Variants in AR observed in about 807,000 individuals in gnomAD.
AR encodes androgen receptor.
In AR, 8 loss-of-function variants were observed where a neutral mutation model predicts 53.9. The ratio of observed to expected loss-of-function variants is 0.15; its 90% CI spans 0.09 to 0.27. The LOEUF (loss-of-function observed/expected upper bound fraction) is 0.27. Ranked by LOEUF, AR falls within the 10% of genes least tolerant of loss-of-function variation. The pLI, the probability that AR is intolerant of heterozygous loss-of-function variation, is 1.00. For missense variants in AR, 639 were observed against 742.5 expected (o/e 0.86, Z 1.62); for synonymous variants, 359 against 316.4 (o/e 1.13, Z -1.43).
At chrX:67,565,457 AT>A (rs1921517044) in intron 1 of AR, among the ~76,000 whole-genome samples, 1 of 111,773 alleles carries the variant, frequency 8.9e-6, no homozygotes, top group South Asian at 3.8e-4. Flanking sequence ...GGACCGGAAA[AT>A]GGGAGTGGAA....
intron 1 of AR, among the ~76,000 whole-genome samples, chrX:67,559,247 T>C (rs1921194443): frequency 8.9e-6 from 1 of 111,928 alleles, no homozygotes; most frequent in African/African-American, 3.2e-5. Flanking sequence ...TCACTTGGGC[T>C]CCCTTCTAAC....
intron 2 of AR, among the ~76,000 whole-genome samples, chrX:67,663,123 C>T (rs1927036329): frequency 1.8e-5 from 2 of 111,713 alleles, no homozygotes; most frequent in African/African-American, 6.5e-5. Flanking sequence ...AGCCCATTTA[C>T]ATTTAAGGTT....
At chrX:67,707,360 T>C (rs1034404242) in intron 3 of AR, among the ~76,000 whole-genome samples, 3 of 112,355 alleles carry the variant, frequency 2.7e-5, no homozygotes, top group African/African-American at 9.7e-5. Flanking sequence ...TAGTTAGTTC[T>C]TCTTGTTGAA....
chrX:67,663,355 A>T (rs1451378168), intron 2 of AR, among the ~76,000 whole-genome samples: 1 of 111,791 alleles, frequency 8.9e-6, no homozygotes, highest in East Asian at 2.8e-4. Flanking sequence ...GCTTGTCTGT[A>T]AAGGATTTTA....
chrX:67,667,241 T>C (rs1027057865), intron 2 of AR, among the ~76,000 whole-genome samples: 17 of 111,987 alleles, frequency 1.5e-4, no homozygotes, highest in Admixed American at 9.5e-5. Flanking sequence ...TTGTATTTGC[T>C]GAGAGATAGG....
chrX:67,554,615 G>C (rs748185427), intron 1 of AR, among the ~76,000 whole-genome samples: 1 of 111,695 alleles, frequency 9.0e-6, no homozygotes, highest in Admixed American at 9.5e-5. Context: ...GCTGTCTGTA[G>C]AGATTAGCCT....
At chrX:67,547,047 A>G (rs1323981574) in intron 1 of AR, among the ~76,000 whole-genome samples, 1 of 110,906 alleles carries the variant, frequency 9.0e-6, no homozygotes, top group Non-Finnish European at 1.9e-5. Flanking sequence ...CGAGGTCCCA[A>G]ACAGAAATCC....
chrX:67,623,923 C>T (rs767447699), intron 1 of AR, among the ~76,000 whole-genome samples: 47 of 111,020 alleles, frequency 4.2e-4, no homozygotes, highest in African/African-American at 1.2e-3. Flanking sequence ...TGAAGAAAAG[C>T]GCTTTAATTG....
intron 1 of AR, among the ~76,000 whole-genome samples, chrX:67,601,943 T>G (rs1602184035): frequency 8.9e-6 from 1 of 111,766 alleles, no homozygotes; most frequent in East Asian, 2.8e-4. Context: ...TGAACCTAAT[T>G]AGGCCCCCTG....
intron 2 of AR, among the ~76,000 whole-genome samples, chrX:67,663,263 C>T (rs368276829): frequency 1.2e-4 from 13 of 111,927 alleles, no homozygotes; most frequent in South Asian, 3.8e-4. Flanking sequence ...TGGCTGGTAC[C>T]GGTTGTTCCT....
intron 1 of AR, among the ~76,000 whole-genome samples, chrX:67,557,089 T>C (rs1298702977): frequency 9.1e-6 from 1 of 109,727 alleles, no homozygotes; most frequent in Non-Finnish European, 1.9e-5. Context: ...CACTCTGATA[T>C]ATTATACGTT....
intron 4 of AR, among the ~76,000 whole-genome samples, chrX:67,714,894 A>T (rs963164504): frequency 8.9e-6 from 1 of 112,046 alleles, no homozygotes; most frequent in South Asian, 3.8e-4. Flanking sequence ...GAGGTTAGCC[A>T]GCCATATTGC....
chrX:67,643,128 A>G, intron 1 of AR, 128 bp from the exon 2 acceptor site: 4 of 843,229 alleles, frequency 4.7e-6, no homozygotes, highest in South Asian at 4.3e-5. Flanking sequence ...TCAGCTTCAC[A>G]CTAACTAACT....
At chrX:67,588,015 G>A (rs746716323) in intron 1 of AR, among the ~76,000 whole-genome samples, 1 of 111,239 alleles carries the variant, frequency 9.0e-6, no homozygotes, top group Admixed American at 9.6e-5. Flanking sequence ...TGTCTTCCAA[G>A]GCCCCCTGTG....
At chrX:67,719,721 C>T (rs1026688731) in intron 5 of AR, among the ~76,000 whole-genome samples, 2 of 112,036 alleles carry the variant, frequency 1.8e-5, no homozygotes, top group African/African-American at 3.2e-5. Context: ...TACTCTATAC[C>T]AAATAGGATT....
intron 1 of AR, among the ~76,000 whole-genome samples, chrX:67,641,003 C>A (rs746868225): frequency 5.4e-5 from 6 of 111,351 alleles, no homozygotes; most frequent in African/African-American, 2.0e-4. Flanking sequence ...AAGGAAATAT[C>A]TCGATCACCA....
At chrX:67,679,527 A>G (rs1195350568) in intron 2 of AR, among the ~76,000 whole-genome samples, 1 of 111,806 alleles carries the variant, frequency 8.9e-6, no homozygotes, top group Non-Finnish European at 1.9e-5. Flanking sequence ...TGGAATTCCT[A>G]GAAGTTTATA....
intron 2 of AR, among the ~76,000 whole-genome samples, chrX:67,665,610 G>A (rs920914168): frequency 4.5e-5 from 5 of 110,802 alleles, no homozygotes; most frequent in African/African-American, 1.6e-4. Context: ...TGCTCCTATG[G>A]GGTCCTAGAG....
chrX:67,592,665 A>C (rs1484286552), intron 1 of AR, among the ~76,000 whole-genome samples: 1 of 107,420 alleles, frequency 9.3e-6, no homozygotes, highest in African/African-American at 3.4e-5. Flanking sequence ...TTTTTTTAAA[A>C]TCTACTAAGC....
Sources: gnomAD v4.1 joint callset for allele counts (sites outside exome capture counted in the v4.1 genomes callset) on GRCh38, gnomAD v4.1.1 for gene constraint, MANE v1.5 for transcripts, NCBI Gene and HGNC (gene_info 2026-07-23, HGNC 2026-07-21) for gene names.